The following CNTN6 variants were observed in gnomAD, a reference collection of about 807,000 sequenced individuals.
The protein encoded by CNTN6 is contactin-6.
CNTN6 carries 137 observed loss-of-function variants against 122.8 expected under a neutral mutation model. The ratio of observed to expected loss-of-function variants is 1.12; its 90% CI spans 0.97 to 1.29. The LOEUF (loss-of-function observed/expected upper bound fraction) is 1.29, where lower values mean the gene tolerates loss of function less well. Ranked by LOEUF, CNTN6 falls within the 50% of genes most tolerant of loss-of-function variation. CNTN6 has a pLI of 0.00. For synonymous variants in CNTN6, 570 were observed against 426.0 expected, an observed-to-expected ratio of 1.34 and a Z score of -4.16; for missense variants, 1,634 against 1,223.4, an observed-to-expected ratio of 1.34 and a Z score of -5.01.
intron 2 of CNTN6, among the ~76,000 whole-genome samples, chr3:1,219,367 A>G (rs895956754): frequency 3.3e-5 from 5 of 152,310 alleles, no homozygotes; most frequent in African/African-American, 1.2e-4. Flanking sequence ...ATTACCTCCA[A>G]TGGTGTATCC....
At chr3:1,203,130 T>C (rs78011180) in intron 2 of CNTN6, among the ~76,000 whole-genome samples, 10,027 of 152,286 alleles carry the variant, frequency 0.066, 411 homozygotes, top group Middle Eastern at 0.1. Flanking sequence ...TTTCATTGTG[T>C]TCCACTAAGA....
intron 2 of CNTN6, among the ~76,000 whole-genome samples, chr3:1,208,824 T>C (rs2093993927): frequency 6.6e-6 from 1 of 152,172 alleles, no homozygotes; most frequent in South Asian, 2.1e-4. Context: ...ACTTGATTCC[T>C]GGCACTTACT....
intron 8 of CNTN6, among the ~76,000 whole-genome samples, chr3:1,322,730 G>A (rs1701035060): frequency 6.6e-6 from 1 of 151,406 alleles, no homozygotes; most frequent in African/African-American, 2.4e-5. Flanking sequence ...CCCGTGGGGA[G>A]AACATATTGT....
chr3:1,374,185 C>A, intron 16 of CNTN6, 112 bp downstream of exon 16: 1 of 1,093,120 alleles, frequency 9.1e-7, no homozygotes, highest in Non-Finnish European at 1.3e-6. Context: ...AATTGTTTGG[C>A]AGTAAACGAG....
chr3:1,134,796 G>A (rs547514956), intron 1 of CNTN6, among the ~76,000 whole-genome samples: 42 of 152,152 alleles, frequency 2.8e-4, no homozygotes, highest in African/African-American at 9.6e-4. Flanking sequence ...CAAAAGCAGG[G>A]TACTATTTAT....
intron 1 of CNTN6, among the ~76,000 whole-genome samples, chr3:1,099,392 A>C (rs9862774): frequency 0.56 from 84,424 of 151,580 alleles, 24,530 homozygotes; most frequent in East Asian, 0.81. Flanking sequence ...CGGAGCTTGC[A>C]GTGAGCCGAG....
At chr3:1,292,212 CT>C (rs1695441799) in intron 5 of CNTN6, among the ~76,000 whole-genome samples, 1 of 152,132 alleles carries the variant, frequency 6.6e-6, no homozygotes, top group African/African-American at 2.4e-5. Context: ...CTACTTTTGC[CT>C]TCTGGACATT....
chr3:1,233,342 C>A (rs1009285667), intron 4 of CNTN6, among the ~76,000 whole-genome samples: 1 of 152,058 alleles, frequency 6.6e-6, no homozygotes, highest in African/African-American at 2.4e-5. Flanking sequence ...AGGGGTCTGG[C>A]CATACAAATA....
chr3:1,321,902 T>A (rs1700915207), intron 8 of CNTN6, 68 bp downstream of exon 8: 1 of 1,338,924 alleles, frequency 7.5e-7, no homozygotes, highest in Non-Finnish European at 1.0e-6. Context: ...ATTGTGGAAG[T>A]CATTAGCATG....
chr3:1,245,301 T>TATATATATAAC lies in CNTN6; in HGVS notation c.358+17317_358+17318insACATATATATA, dbSNP rs2094562149. 6.7e-4 allele frequency among the ~76,000 whole-genome samples: 4 copies of TATATATATAAC among 5,994 alleles called. 1 individual carries two copies. The highest frequency in any genetic ancestry group is 1.6e-3 in the African/African-American group (3 of 1,882). The allele number at this position is 5,994 out of a possible 152,430, so 3.9% of individuals were successfully genotyped here. The stretch of plus-strand genomic sequence containing the variant: ...CACACACATATATATATAACATATA[T>TATATATATAAC]ATATATATATATATATATATATATA... On this transcript the variant is annotated intron_variant, in intron 4 of 22. Coordinates refer to ENST00000446702, the MANE Select transcript of CNTN6 (RefSeq NM_001289080.2).
In CNTN6 at chr3:1,173,606, G is replaced by A. The variant is rs533333534; in HGVS notation, c.55+25543G>A. Among the ~76,000 whole-genome samples the A allele has an allele frequency of 2.0e-5, 3 of 152,228 alleles. 1 individual carries two copies. In the East Asian group the frequency reaches 5.8e-4, roughly 29 times the overall value. ...ACTTTATCACACCACCTCCCTGTGA[G>A]CTTCTGTTGAGATTATTTTTTTACT... is the stretch of plus-strand genomic sequence containing the variant. On this transcript the variant is annotated intron_variant, in intron 2 of 22. Transcript: ENST00000446702.
intron 11 of CNTN6, among the ~76,000 whole-genome samples, chr3:1,352,077 G>A (rs185301063): frequency 2.0e-5 from 3 of 151,840 alleles, no homozygotes; most frequent in Non-Finnish European, 2.9e-5. Flanking sequence ...CTTTGAAATC[G>A]ACAATGATAA....
chr3:1,279,523 A>G (rs916992763), intron 5 of CNTN6, among the ~76,000 whole-genome samples: 2 of 152,194 alleles, frequency 1.3e-5, no homozygotes, highest in Non-Finnish European at 2.9e-5. Context: ...TCAGTACACT[A>G]TAGAGAAATA....
intron 4 of CNTN6, among the ~76,000 whole-genome samples, chr3:1,229,489 A>G (rs1373518109): frequency 1.3e-5 from 2 of 152,120 alleles, no homozygotes; most frequent in African/African-American, 4.8e-5. Context: ...TTATGATTCT[A>G]TCTACTCTCG....
At position 1,220,549 on chromosome 3, in the gene CNTN6, G is replaced by A. The variant is rs77592658; in HGVS notation, c.56-138G>A. 4,497 of 778,612 alleles carry A rather than the reference G, an allele frequency of 5.8e-3. 163 individuals are homozygous for A. In the African/African-American group the frequency reaches 0.073, roughly 13 times the overall value. The allele number at this position is 778,612 out of a possible 1,614,324, so 48.2% of individuals were successfully genotyped here. A position where few individuals can be genotyped will look rare whatever the true frequency, so the allele number is the denominator to read the frequency against. ...AGAAAAAAATTCTTTGTCCATTTTT[G>A]TAATACTTTTTGTGAATTTGAGATT... On this transcript the variant is annotated intron_variant, in intron 2 of 22. Coordinates refer to ENST00000446702, the MANE Select transcript of CNTN6 (RefSeq NM_001289080.2).
intron 2 of CNTN6, among the ~76,000 whole-genome samples, chr3:1,189,102 C>T (rs1434632988): frequency 6.6e-6 from 1 of 152,192 alleles, no homozygotes; most frequent in Non-Finnish European, 1.5e-5. Context: ...TGATTGCCAT[C>T]TAGCTACAAA....
chr3:1,334,357 A>G (rs896292058), intron 11 of CNTN6, among the ~76,000 whole-genome samples: 1 of 144,446 alleles, frequency 6.9e-6, no homozygotes, highest in Non-Finnish European at 1.5e-5. Context: ...TTGAGTAGAA[A>G]TGCTAGACTC....
chr3:1,247,768 T>C (rs17036322), intron 4 of CNTN6, among the ~76,000 whole-genome samples: 8,954 of 152,248 alleles, frequency 0.059, 351 homozygotes, highest in East Asian at 0.15. Flanking sequence ...TGCTGGCTTT[T>C]TTATGGTAGC....
At chr3:1,245,243 C>T (rs1419289238) in intron 4 of CNTN6, among the ~76,000 whole-genome samples, 1,807 of 10,624 alleles carry the variant, frequency 0.17, 404 homozygotes, top group Middle Eastern at 0.3. Flanking sequence ...TATACACACA[C>T]ACATATATAT....
Sources: allele counts gnomAD v4.1 joint callset (sites outside exome capture counted in the v4.1 genomes callset), GRCh38; gene constraint gnomAD v4.1.1; transcripts MANE v1.5; gene names NCBI Gene and HGNC (gene_info 2026-07-23, HGNC 2026-07-21).